Variants in MKNK2 observed in about 807,000 individuals in gnomAD.
The protein encoded by MKNK2 is MAP kinase-interacting serine/threonine-protein kinase 2.
In MKNK2, 54 loss-of-function variants were observed where a neutral mutation model predicts 55.0. The observed-to-expected ratio is 0.98, with a 90% CI of 0.79 to 1.23. The LOEUF (loss-of-function observed/expected upper bound fraction) is 1.23, where lower values mean the gene tolerates loss of function less well. MKNK2 is among the 50% of genes most tolerant of loss of function. The pLI, the probability that MKNK2 is intolerant of heterozygous loss-of-function variation, is 0.00. For synonymous variants in MKNK2, 323 were observed against 256.0 expected (o/e 1.26, Z -2.50); for missense variants, 685 against 632.1 (o/e 1.08, Z -0.90).
At position 2,042,835 on chromosome 19, in the gene MKNK2, AG is replaced by A. The variant is rs1568237142; in HGVS notation, c.528del (p.Phe177SerfsTer30). 6.3e-7 allele frequency: 1 copy of A among 1,575,142 alleles called. No homozygotes were observed. Among genetic ancestry groups the A allele is most frequent in the East Asian group, 2.3e-5 (1 of 42,812 alleles). On this transcript the variant is annotated frameshift_variant, in exon 8 of 14. Coordinates refer to ENST00000250896, the MANE Select transcript of MKNK2 (RefSeq NM_199054.3). LOFTEE classifies it high-confidence loss of function. ...ACCACGCTGGCCTCCAGCTCGTTGA[AG>A]TGCCGGCGCTTGTGGATGTGGCTCA... is the stretch of plus-strand genomic sequence containing the variant. ...SILSHIHKRR[H>X]FNELEASVVV...
At chr19:2,045,315 G>C (rs2145690925) in intron 5 of MKNK2, among the ~76,000 whole-genome samples, 2 of 152,268 alleles carry the variant, frequency 1.3e-5, no homozygotes, top group South Asian at 4.1e-4. Flanking sequence ...AGGAAGCAAG[G>C]CTGGGCCACC....
chr19:2,051,229 CCGCTGAGAGGAGCCGGGCGCGT>C (rs2017113866), exon 1 of MKNK2: 1 of 151,464 alleles, frequency 6.6e-6, no homozygotes, highest in African/African-American at 2.5e-5. Context: ...TGGGCCACCG[CCGCTGAGAGGAGCCGGGCGCGT>C]CGCCGCCGCC....
At position 2,039,714 on chromosome 19, in the gene MKNK2, A is replaced by G; in HGVS notation, c.1297T>C (p.Cys433Arg). 3 of 1,612,214 alleles carry G rather than the reference A, an allele frequency of 1.9e-6. No homozygotes were observed. Among genetic ancestry groups the G allele is most frequent in the Non-Finnish European group, 2.5e-6 (3 of 1,179,912 alleles). The change falls in exon 14 of 14, where the codon TGC (cysteine) becomes CGC (arginine). Residue 433 changes from cysteine to arginine, a missense_variant. Transcript: ENST00000250896. ...QPVLVRATSR[C>R]LQLSPPSQSK... ...TGGGAGGGTGGAGACAGCTGCAGGC[A>G]GCGTGAGGTAGCTCGGACCAGGACG...
intron 10 of MKNK2, 113 bp from the exon 11 acceptor site, chr19:2,042,147 C>A: frequency 1.9e-6 from 2 of 1,062,146 alleles, no homozygotes; most frequent in Non-Finnish European, 1.3e-6. Context: ...CCCCGCCGGG[C>A]CCGACCAATC....
rs1418295637 is a variant in MKNK2, at chr19:2,038,895, G to A, written c.*718C>T. 1.0e-6 allele frequency: 1 copy of A among 985,768 alleles called. No individual in the cohort carries two copies. The highest frequency in any genetic ancestry group is 1.1e-4 in the East Asian group (1 of 8,810). The allele number at this position is 985,768 out of a possible 1,614,324, so 61.1% of individuals were successfully genotyped here. ...GCCCCTGGGGTCAGCTGCAGTTTAA[G>A]GTCAAGGTCGGAGGCCGAATCTGGC... On this transcript the variant is annotated 3_prime_UTR_variant, in exon 14 of 14. Transcript: ENST00000250896.
chr19:2,044,774 T>A (rs1332594617), intron 5 of MKNK2, among the ~76,000 whole-genome samples: 1 of 152,218 alleles, frequency 6.6e-6, no homozygotes, highest in African/African-American at 2.4e-5. Context: ...CAGCAGGCAC[T>A]GCAGATGGTT....
intron 2 of MKNK2, among the ~76,000 whole-genome samples, chr19:2,049,446 G>GGCCCTCCTCCACCAAGAC (rs2017066389): frequency 6.6e-6 from 1 of 152,184 alleles, no homozygotes; most frequent in African/African-American, 2.4e-5. Context: ...CTGCCTGCCA[G>GGCCCTCCTCCACCAAGAC]GCCCTCCTCC....
At chr19:2,048,755 G>A (rs925208457) in intron 2 of MKNK2, among the ~76,000 whole-genome samples, 1 of 151,716 alleles carries the variant, frequency 6.6e-6, no homozygotes, top group Non-Finnish European at 1.5e-5. Context: ...CCTGGCTCGG[G>A]CAGATAGCTA....
chr19:2,042,833 G>T lies in MKNK2; in HGVS notation c.531C>A (p.Phe177Leu). The change falls in exon 8 of 14, where the codon TTC becomes TTA. Residue 177 changes from phenylalanine (F) to leucine (L), a missense_variant. By Grantham distance (22) the Phe-to-Leu change is conservative (BLOSUM62 0). Transcript: ENST00000250896. ...ILSHIHKRRH[F>L]NELEASVVVQ... ...CCACCACGCTGGCCTCCAGCTCGTT[G>T]AAGTGCCGGCGCTTGTGGATGTGGC... 1 of 1,575,974 alleles carries T rather than the reference G, an allele frequency of 6.3e-7. No individual in the cohort carries two copies. Among genetic ancestry groups the T allele is most frequent in the Non-Finnish European group, 8.6e-7 (1 of 1,160,598 alleles).
At chr19:2,042,733 C>T in intron 8 of MKNK2, 33 bp downstream of exon 8, 1 of 1,550,666 alleles carries the variant, frequency 6.4e-7, no homozygotes, top group Non-Finnish European at 8.7e-7. Context: ...TGGCAGGCGG[C>T]CCTAGGAGAC....
rs1375175458 is a variant in MKNK2 at position 2,037,626 on chromosome 19, T to C, written c.*1987A>G. 2 of 841,972 alleles carry C rather than the reference T, an allele frequency of 2.4e-6. No homozygotes were observed. Among genetic ancestry groups the C allele is most frequent in the Non-Finnish European group, 3.3e-6 (2 of 608,256 alleles). The allele number at this position is 841,972 out of a possible 1,614,324, so 52.2% of individuals were successfully genotyped here. A position where few individuals can be genotyped will look rare whatever the true frequency, so the allele number is the denominator to read the frequency against. Reference sequence around the variant, plus strand: ...TTTTTCCCCCACTTTAAAAAAACTTTTGAGGTTTTTTTTTTTTTTTTGTCT... The same window carrying C: ...TTTTTCCCCCACTTTAAAAAAACTTCTGAGGTTTTTTTTTTTTTTTTGTCT... On this transcript the variant is annotated 3_prime_UTR_variant, in exon 14 of 14. Transcript: ENST00000250896.
In MKNK2 at chr19:2,037,807, G is replaced by A. The variant is rs1460680294; in HGVS notation, c.*1806C>T. The A allele has an allele frequency of 1.4e-5, 23 of 1,604,352 alleles. No homozygotes were observed. The highest frequency in any genetic ancestry group is 3.4e-5 in the Admixed American group (2 of 59,372). ...ACGTGGATGCGACAGGGGTGGGGAG[G>A]GAGGAGGAAGTGACTGTCCCACCTT... On this transcript the variant is annotated 3_prime_UTR_variant, in exon 14 of 14. Coordinates refer to ENST00000250896, the MANE Select transcript of MKNK2 (RefSeq NM_199054.3).
In MKNK2 at chr19:2,043,928, C is replaced by T. The variant is rs1047374328; in HGVS notation, c.340-346G>A. 1.8e-4 allele frequency among the ~76,000 whole-genome samples: 25 copies of T among 140,016 alleles called. 1 individual carries two copies. In the East Asian group the frequency reaches 4.9e-3, roughly 27 times the overall value. 91.9% of individuals were successfully genotyped at this position (140,016 alleles called of 152,430 possible). A position where few individuals can be genotyped will look rare whatever the true frequency, so the allele number is the denominator to read the frequency against. ...GGTGGAGGTTGCAGGGAGCTGAGAT[C>T]GCGCCATTGCACTCCAGCATCCTGG... On this transcript the variant is annotated intron_variant, in intron 5 of 13. Transcript: ENST00000250896.
rs776068762 is a variant in MKNK2 at position 2,037,709 on chromosome 19, T to A, written c.*1904A>T. 6.6e-7 allele frequency: 1 copy of A among 1,504,950 alleles called. No homozygotes were observed. Among genetic ancestry groups the A allele is most frequent in the Non-Finnish European group, 9.0e-7 (1 of 1,107,444 alleles). 93.2% of individuals were successfully genotyped at this position (1,504,950 alleles called of 1,614,324 possible). A position where few individuals can be genotyped will look rare whatever the true frequency, so the allele number is the denominator to read the frequency against. ...TTCACCGTCCCCCAGCGATGGGAGC[T>A]GGCCTGGGGCCCAGGGTCCTCCAGG... On this transcript the variant is annotated 3_prime_UTR_variant, in exon 14 of 14. Coordinates refer to ENST00000250896, the MANE Select transcript of MKNK2 (RefSeq NM_199054.3).
intron 12 of MKNK2, 29 bp downstream of exon 12, chr19:2,041,011 C>G: frequency 1.2e-6 from 2 of 1,612,424 alleles, no homozygotes; most frequent in East Asian, 2.2e-5. Context: ...CCCCATACCC[C>G]TCCTGCCGCC....
Position 2,041,127 on chromosome 19 carries a change from G to A in MKNK2, c.1023C>T (p.Ala341=). The A allele has an allele frequency of 6.2e-7, 1 of 1,614,088 alleles. No homozygotes were observed. Among genetic ancestry groups the A allele is most frequent in the Non-Finnish European group, 8.5e-7 (1 of 1,179,968 alleles). ...DKDWAHISCA[A]KDLISKLLVR... is the part of the protein sequence containing the mutation. ...CCAGCAGCTTGGAGATGAGGTCTTT[G>A]GCAGCGCAGGAGATGTGGGCCCAGT... The change falls in exon 12 of 14, where the codon GCC becomes GCT. Residue 341 remains alanine (A), a synonymous_variant. Transcript: ENST00000250896.
Position 2,050,880 on chromosome 19 carries a change from G to A in MKNK2, c.-29C>T. ...CTGTCCGGGCCCCGCCAGCGGGGGA[G>A]GGGACCGAGGGCCCGGGGGGAGGCC... On this transcript the variant is annotated 5_prime_UTR_variant, in exon 2 of 14. Coordinates refer to ENST00000250896, the MANE Select transcript of MKNK2 (RefSeq NM_199054.3). The A allele has an allele frequency of 1.3e-6, 2 of 1,502,790 alleles. No homozygotes were observed. The highest frequency in any genetic ancestry group is 4.3e-5 in the Admixed American group (2 of 46,090). The allele number at this position is 1,502,790 out of a possible 1,614,324, so 93.1% of individuals were successfully genotyped here.
intron 6 of MKNK2, 53 bp from the exon 7 acceptor site, chr19:2,043,250 G>T: frequency 6.9e-7 from 1 of 1,451,758 alleles, no homozygotes; most frequent in African/African-American, 1.4e-5. Context: ...AGGCCCCTGG[G>T]TACCTGCTGC....
Position 2,041,133 on chromosome 19 carries a change from G to C in MKNK2, c.1017C>G (p.Cys339Trp), listed in dbSNP as rs537824868. ...GCTTGGAGATGAGGTCTTTGGCAGC[G>C]CAGGAGATGTGGGCCCAGTCCTTGT... Reference protein sequence around the residue: ...FPDKDWAHISCAAKDLISKLL... With the variant: ...FPDKDWAHISWAAKDLISKLL... The change falls in exon 12 of 14, where the codon TGC (cysteine) becomes TGG (tryptophan). Residue 339 changes from cysteine to tryptophan, a missense_variant. Transcript: ENST00000250896. The C allele has an allele frequency of 3.7e-6, 6 of 1,613,916 alleles. No individual in the cohort carries two copies. The highest frequency in any genetic ancestry group is 5.1e-6 in the Non-Finnish European group (6 of 1,179,962).
Sources: gnomAD v4.1 joint callset for allele counts (sites outside exome capture counted in the v4.1 genomes callset) on GRCh38, gnomAD v4.1.1 for gene constraint, MANE v1.5 for transcripts, NCBI Gene and HGNC (gene_info 2026-07-23, HGNC 2026-07-21) for gene names.